The following NCAPD2 variants were observed in gnomAD, a reference collection of about 807,000 sequenced individuals.
NCAPD2 encodes non-SMC condensin I complex subunit D2, also known as condensin complex subunit 1.
In NCAPD2, 100 loss-of-function variants were observed where a neutral mutation model predicts 164.5. The ratio of observed to expected loss-of-function variants is 0.61; its 90% CI spans 0.52 to 0.72. The LOEUF (loss-of-function observed/expected upper bound fraction) is 0.72, where lower values mean the gene tolerates loss of function less well. Among genes scored for constraint, NCAPD2 ranks in the 30% least tolerant of loss-of-function variants. The probability of loss-of-function intolerance (pLI) is 0.00; values close to 1 mark genes in which losing one functional copy is unlikely to be tolerated. For missense variants in NCAPD2, 1,560 were observed against 1,749.2 expected (o/e 0.89, Z 1.93); for synonymous variants, 585 against 642.6 (o/e 0.91, Z 1.36).
In NCAPD2 at chr12:6,517,871, G is replaced by A. The variant is rs1230379033; in HGVS notation, c.1501G>A (p.Glu501Lys). Residue 501 changes from glutamate (E) to lysine (K), a missense_variant, in exon 13 of 32, where the codon GAG becomes AAG. Transcript: ENST00000315579. ...GCTTCTACAGCTTCCCCAGGGAGAG[G>A]AGGAGATTCCTGAGCAAATTGCCAA... ...QQLLQLPQGEEEIPEQIANTE... is the reference protein window; with the variant it reads ...QQLLQLPQGEKEIPEQIANTE... The A allele has an allele frequency of 1.2e-6, 2 of 1,614,144 alleles. No homozygotes were observed. Among genetic ancestry groups the A allele is most frequent in the Admixed American group, 3.3e-5 (2 of 60,016 alleles).
In NCAPD2 at chr12:6,521,611, C is replaced by T. The variant is rs551894034; in HGVS notation, c.1715-187C>T. ...CTGAAGTGAGAGAATCACCTTAGCC[C>T]GGGGAAGTTGAGGCTGCAGTGAGCG... On this transcript the variant is annotated intron_variant, in intron 14 of 31. Coordinates refer to ENST00000315579, the MANE Select transcript of NCAPD2 (RefSeq NM_014865.4). Among the ~76,000 whole-genome samples the T allele has an allele frequency of 5.3e-4, 81 of 152,206 alleles. 1 individual carries two copies. Among genetic ancestry groups the T allele is most frequent in the Non-Finnish European group, 7.5e-4 (51 of 68,000 alleles).
intron 16 of NCAPD2, 126 bp downstream of exon 16, chr12:6,523,128 A>AGTGGGGCTTAGG: frequency 2.8e-6 from 4 of 1,436,112 alleles, no homozygotes; most frequent in Non-Finnish European, 3.9e-6. Context: ...AGTCCATCAT[A>AGTGGGGCTTAGG]GTGGGGCTTA....
At chr12:6,509,553 T>G (rs1946126979) in intron 2 of NCAPD2, among the ~76,000 whole-genome samples, 164 bp from the exon 3 acceptor site, 1 of 152,198 alleles carries the variant, frequency 6.6e-6, no homozygotes, top group South Asian at 2.1e-4. Flanking sequence ...TGAGCCACCA[T>G]GCCCGGCTCT....
intron 2 of NCAPD2, among the ~76,000 whole-genome samples, chr12:6,495,946 A>G (rs923468856): frequency 6.6e-6 from 1 of 152,152 alleles, no homozygotes; most frequent in Non-Finnish European, 1.5e-5. Flanking sequence ...TTCCTTTGTT[A>G]TCACCTACAA....
chr12:6,525,761 A>G, intron 18 of NCAPD2, 45 bp downstream of exon 18: 1 of 1,594,884 alleles, frequency 6.3e-7, no homozygotes, highest in Non-Finnish European at 8.6e-7. Context: ...GAGCAAAGGA[A>G]GGTTCTGAGA....
intron 13 of NCAPD2, 193 bp downstream of exon 13, chr12:6,518,152 ATGTTT>A: frequency 2.0e-6 from 1 of 495,618 alleles, no homozygotes; most frequent in Middle Eastern, 5.3e-4. Flanking sequence ...TACTTTATAA[ATGTTT>A]AAAAAAACTA....
chr12:6,526,737 A>G, intron 21 of NCAPD2, 122 bp downstream of exon 21: 1 of 1,446,702 alleles, frequency 6.9e-7, no homozygotes, highest in Non-Finnish European at 9.4e-7. Context: ...GTTTTTGTCT[A>G]AGTTGAAGTT....
intron 8 of NCAPD2, 38 bp downstream of exon 8, chr12:6,514,625 C>T (rs199944040): frequency 1.2e-6 from 2 of 1,613,200 alleles, no homozygotes; most frequent in East Asian, 2.2e-5. Context: ...TGCTTATTTT[C>T]CTTGGGGAGG....
chr12:6,529,211 C>G (rs1946348341), intron 27 of NCAPD2, 172 bp downstream of exon 27: 7 of 641,604 alleles, frequency 1.1e-5, no homozygotes, highest in Non-Finnish European at 1.9e-5. Flanking sequence ...GATACTTAAC[C>G]CTTAGTTCTT....
intron 22 of NCAPD2, 112 bp from the exon 23 acceptor site, chr12:6,527,665 A>G: frequency 2.2e-6 from 2 of 896,944 alleles, no homozygotes; most frequent in Non-Finnish European, 3.5e-6. Flanking sequence ...AATTCTCTAA[A>G]TGTTTTTGTA....
At chr12:6,501,029 G>T (rs1193984713) in intron 2 of NCAPD2, among the ~76,000 whole-genome samples, 1 of 151,330 alleles carries the variant, frequency 6.6e-6, no homozygotes, top group Non-Finnish European at 1.5e-5. Context: ...GTTAGTAAAG[G>T]AATCTGAGAT....
rs751923886 is a variant in NCAPD2 at position 6,510,634 on chromosome 12, TCCCGC to T, written c.270_274del (p.Arg91LeufsTer10). On this transcript the variant is annotated frameshift_variant, in exon 5 of 32. Coordinates refer to ENST00000315579, the MANE Select transcript of NCAPD2 (RefSeq NM_014865.4). LOFTEE classifies it high-confidence loss of function. ...CAAGATTCTGCCCCTCACAGTGGTATCCCGCCACTCCCAGGAGCTTCCAGCTATCC... is the reference window on the plus strand; with the variant it reads ...CAAGATTCTGCCCCTCACAGTGGTATCACTCCCAGGAGCTTCCAGCTATCC... The T allele has an allele frequency of 1.9e-6, 3 of 1,614,078 alleles. No homozygotes were observed. The Admixed American group carries it at 5.0e-5, about 27-fold the overall frequency.
intron 3 of NCAPD2, 62 bp downstream of exon 3, chr12:6,509,854 A>C (rs1946129734): frequency 1.3e-6 from 2 of 1,539,736 alleles, no homozygotes; most frequent in East Asian, 2.3e-5. Flanking sequence ...CTAACTGTGC[A>C]TGTTAGTCCT....
At position 6,517,699 on chromosome 12, in the gene NCAPD2, C is replaced by T; in HGVS notation, c.1408+16C>T. On this transcript the variant is annotated intron_variant, in intron 12 of 31. Coordinates refer to ENST00000315579, the MANE Select transcript of NCAPD2 (RefSeq NM_014865.4). ...GCAGCAGCTTGTAAGTAGTTACTGC[C>T]TTGGAGTCCTAATGCCAGACAGGCT... 6.2e-7 allele frequency: 1 copy of T among 1,614,156 alleles called. No homozygotes were observed. The highest frequency in any genetic ancestry group is 1.1e-5 in the South Asian group (1 of 91,084).
At chr12:6,512,579 C>T (rs1299435728) in intron 6 of NCAPD2, among the ~76,000 whole-genome samples, 7 of 152,180 alleles carry the variant, frequency 4.6e-5, no homozygotes, top group Admixed American at 3.3e-4. Context: ...GGAGCCAGAC[C>T]GCAGGTTCTT....
chr12:6,511,658 A>G (rs1946148427), intron 6 of NCAPD2, among the ~76,000 whole-genome samples: 2 of 152,198 alleles, frequency 1.3e-5, no homozygotes, highest in South Asian at 4.1e-4. Flanking sequence ...AAGTAAAATA[A>G]GTTTGATGGA....
At chr12:6,529,656 T>C in intron 28 of NCAPD2, 63 bp downstream of exon 28, 1 of 1,603,228 alleles carries the variant, frequency 6.2e-7, no homozygotes, top group Non-Finnish European at 8.5e-7. Flanking sequence ...GAAAGGCCCA[T>C]CCCTCACCCC....
At chr12:6,520,870 G>A in intron 13 of NCAPD2, 116 bp from the exon 14 acceptor site, 2 of 1,397,364 alleles carry the variant, frequency 1.4e-6, no homozygotes, top group Non-Finnish European at 1.9e-6. Context: ...AGCATGTTAA[G>A]TGCTCCTTTT....
intron 6 of NCAPD2, among the ~76,000 whole-genome samples, chr12:6,513,974 C>T (rs917965349): frequency 6.6e-5 from 10 of 152,030 alleles, no homozygotes; most frequent in African/African-American, 2.4e-4. Context: ...CTCGGCCTCC[C>T]AAAGTGCTGG....
Sources: gnomAD v4.1 joint callset for allele counts (sites outside exome capture counted in the v4.1 genomes callset) on GRCh38, gnomAD v4.1.1 for gene constraint, MANE v1.5 for transcripts, NCBI Gene and HGNC (gene_info 2026-07-23, HGNC 2026-07-21) for gene names.